TEX29: variants seen among roughly 807,000 people sequenced by gnomAD.
TEX29 encodes testis-expressed protein 29.
Under a neutral mutation model 18.2 loss-of-function variants are expected in TEX29, and 26 were observed. That is an observed-to-expected ratio of 1.43 (90% CI 1.04 to 1.98). TEX29 has a LOEUF of 1.98. Ranked by LOEUF, TEX29 falls within the 30% of genes most tolerant of loss-of-function variation. The pLI is 0.00. For synonymous variants in TEX29, 83 were observed against 78.5 expected (o/e 1.06, Z -0.31); for missense variants, 177 against 194.2 (o/e 0.91, Z 0.53).
In TEX29 at chr13:111,344,076, A is replaced by C. The variant is rs759334392; in HGVS notation, c.416-7A>C. On this transcript the variant is annotated splice_region_variant and splice_polypyrimidine_tract_variant and intron_variant, in intron 5 of 5. Transcript: ENST00000283547. The stretch of plus-strand genomic sequence containing the variant: ...GAAAAAACAATTCTTCTTTTCTAAA[A>C]ATCTAGTAACAGGGACAATAACAGA... 6.8e-6 allele frequency: 11 copies of C among 1,609,668 alleles called. No homozygotes were observed. The Admixed American group carries it at 1.5e-4, about 22-fold the overall frequency.
chr13:111,334,252 G>T (rs2093686582), intron 3 of TEX29, among the ~76,000 whole-genome samples: 1 of 152,158 alleles, frequency 6.6e-6, no homozygotes, highest in African/African-American at 2.4e-5. Context: ...GCTGCTGTTT[G>T]TTGTTGTGGT....
upstream of TEX29, chr13:111,316,292 G>C (rs574037650): frequency 6.3e-6 from 3 of 479,790 alleles, no homozygotes; most frequent in Non-Finnish European, 1.3e-5. Context: ...GGAAATTAGG[G>C]ATGACATCCT....
intron 3 of TEX29, among the ~76,000 whole-genome samples, chr13:111,333,028 T>G (rs1219080707): frequency 6.6e-6 from 1 of 152,246 alleles, no homozygotes; most frequent in Non-Finnish European, 1.5e-5. Flanking sequence ...GTTGATAGTC[T>G]TCCTGACAGC....
chr13:111,343,423 G>A (rs1270462997), intron 5 of TEX29, among the ~76,000 whole-genome samples: 1 of 152,106 alleles, frequency 6.6e-6, no homozygotes, highest in African/African-American at 2.4e-5. Flanking sequence ...TGGATGTGCG[G>A]GGAGGCTGCA....
chr13:111,342,821 G>A lies in TEX29; in HGVS notation c.305G>A (p.Ser102Asn). The change falls in exon 5 of 6, where the codon AGC becomes AAC. Residue 102 changes from serine to asparagine, a missense_variant. Coordinates refer to ENST00000283547, the MANE Select transcript of TEX29 (RefSeq NM_152324.3). ...GATGTCGCGCTGCCACAGAAGTCCA[G>A]CGAAAAGGCGGAGTTGGCCTCATCC... The part of the protein sequence containing the change: ...PVDVALPQKS[S>N]EKAELASSSS... 6.2e-7 allele frequency: 1 copy of A among 1,614,150 alleles called. No individual in the cohort carries two copies. The highest frequency in any genetic ancestry group is 1.1e-5 in the South Asian group (1 of 91,072).
intron 3 of TEX29, among the ~76,000 whole-genome samples, chr13:111,328,786 G>C (rs2093678261): frequency 6.6e-6 from 1 of 152,206 alleles, no homozygotes; most frequent in South Asian, 2.1e-4. Flanking sequence ...AGCCAGACCA[G>C]ACGTGAGGAT....
At chr13:111,321,351 C>A (rs548023987) in intron 2 of TEX29, among the ~76,000 whole-genome samples, 5 of 152,236 alleles carry the variant, frequency 3.3e-5, no homozygotes, top group Non-Finnish European at 5.9e-5. Context: ...CTTTCCCCAC[C>A]CGGGCAACTG....
rs769879722 is a variant in TEX29 at position 111,328,271 on chromosome 13, C to G, written c.147C>G (p.Val49=). 14 of 1,613,782 alleles carry G rather than the reference C, an allele frequency of 8.7e-6. No homozygotes were observed. The South Asian group carries it at 1.5e-4, about 18-fold the overall frequency. The stretch of plus-strand genomic sequence containing the variant: ...TCGGGTGCTGCTTCTACGAAGGCGT[C>G]TGCTACAAGAAAGCGGTTCCCAGTG... The part of the protein sequence containing the change: ...QELGCCFYEG[V]CYKKAVPIYI... Residue 49 remains valine, a synonymous_variant, in exon 3 of 6, where the codon GTC becomes GTG. Coordinates refer to ENST00000283547, the MANE Select transcript of TEX29 (RefSeq NM_152324.3).
intron 4 of TEX29, 141 bp from the exon 5 acceptor site, chr13:111,342,615 C>A: frequency 4.8e-5 from 23 of 475,614 alleles, no homozygotes; most frequent in East Asian, 8.6e-5. Flanking sequence ...ACTATTACAT[C>A]AAAGCATTTA....
In TEX29 at chr13:111,330,784, A is replaced by G. The variant is rs947173676; in HGVS notation, c.169+2491A>G. 3.9e-5 allele frequency among the ~76,000 whole-genome samples: 6 copies of G among 152,144 alleles called. No individual in the cohort carries two copies. In the East Asian group the frequency reaches 9.6e-4, roughly 24 times the overall value. The stretch of plus-strand genomic sequence containing the variant: ...CACTCATCTGTCTATGGACTTCCGT[A>G]TTATGGACATTTCATATAAATGGAA... On this transcript the variant is annotated intron_variant, in intron 3 of 5. Transcript: ENST00000283547.
chr13:111,332,656 G>A (rs1274181883), intron 3 of TEX29, among the ~76,000 whole-genome samples: 1 of 152,152 alleles, frequency 6.6e-6, no homozygotes, highest in Non-Finnish European at 1.5e-5. Flanking sequence ...AGTGGTAACT[G>A]TGGGTTTTAC....
At position 111,339,927 on chromosome 13, in the gene TEX29, C is replaced by T; in HGVS notation, c.234C>T (p.Ile78=). Residue 78 remains isoleucine (I), a synonymous_variant, in exon 4 of 6, where the codon ATC becomes ATT. Coordinates refer to ENST00000283547, the MANE Select transcript of TEX29 (RefSeq NM_152324.3). The part of the protein sequence containing the change: ...IIAGAFVITI[I]YRVIQESRKE... ...CTGGGGCCTTCGTCATCACCATCAT[C>T]TACAGGTCGGTCCCTTTGTTCTTTA... 6.2e-7 allele frequency: 1 copy of T among 1,610,986 alleles called. No individual in the cohort carries two copies. The highest frequency in any genetic ancestry group is 1.1e-5 in the South Asian group (1 of 91,068).
At chr13:111,334,827 T>C (rs1173377130) in intron 3 of TEX29, among the ~76,000 whole-genome samples, 1 of 152,218 alleles carries the variant, frequency 6.6e-6, no homozygotes, top group Non-Finnish European at 1.5e-5. Flanking sequence ...GATCAAATAA[T>C]GACAACTCTC....
At chr13:111,320,996 G>A in intron 2 of TEX29, 48 bp downstream of exon 2, 2 of 963,612 alleles carry the variant, frequency 2.1e-6, no homozygotes, top group Non-Finnish European at 2.8e-6. Context: ...GGGAGCAGTT[G>A]GGGGGGGGCA....
intron 3 of TEX29, among the ~76,000 whole-genome samples, chr13:111,328,659 G>A (rs2093678003): frequency 6.6e-6 from 1 of 152,196 alleles, no homozygotes; most frequent in Admixed American, 6.5e-5. Flanking sequence ...GCAGGGCCCG[G>A]GCCAGTGGCC....
chr13:111,342,650 C>G, intron 4 of TEX29, 106 bp from the exon 5 acceptor site: 1 of 1,066,090 alleles, frequency 9.4e-7, no homozygotes, highest in South Asian at 1.7e-5. Flanking sequence ...TATGCATGAT[C>G]AGGAACCTGT....
chr13:111,325,868 C>T lies in TEX29; in HGVS notation c.59-2315C>T, dbSNP rs150325655. Among the ~76,000 whole-genome samples, 951 of 152,342 alleles carry T rather than the reference C, an allele frequency of 6.2e-3. 15 individuals carry two copies. Among genetic ancestry groups the T allele is most frequent in the African/African-American group, 0.021 (862 of 41,584 alleles). On this transcript the variant is annotated intron_variant, in intron 2 of 5. Coordinates refer to ENST00000283547, the MANE Select transcript of TEX29 (RefSeq NM_152324.3). ...CACTTTATGAATAAAAATAATGCTT[C>T]GTTCAGTGGCATATTTCCTGCCCAG...
upstream of TEX29, chr13:111,320,609 G>A (rs914370058): frequency 1.1e-5 from 6 of 535,204 alleles, no homozygotes; most frequent in Non-Finnish European, 2.0e-5. Flanking sequence ...ACAGCGGGCG[G>A]GGTGGTGTGT....
intron 2 of TEX29, among the ~76,000 whole-genome samples, chr13:111,326,572 C>T (rs1212711229): frequency 1.8e-4 from 8 of 44,722 alleles, no homozygotes; most frequent in Admixed American, 1.0e-3. Flanking sequence ...CTGGTGCTGG[C>T]GGGTGTCTGG....
Sources: allele counts gnomAD v4.1 joint callset (sites outside exome capture counted in the v4.1 genomes callset), GRCh38; gene constraint gnomAD v4.1.1; transcripts MANE v1.5; gene names NCBI Gene and HGNC (gene_info 2026-07-23, HGNC 2026-07-21).